PGP: variants seen among roughly 807,000 people sequenced by gnomAD.
PGP encodes the protein aspartate-based ubiquitous Mg(2+)-dependent phosphatase.
A neutral mutation model predicts 19.3 loss-of-function variants in PGP; 9 were observed. The observed-to-expected ratio is 0.47, with a 90% confidence interval of 0.28 to 0.81. The LOEUF (loss-of-function observed/expected upper bound fraction) is 0.81. Ranked by LOEUF, PGP falls within the 40% of genes least tolerant of loss-of-function variation. The pLI is 0.11. For synonymous variants in PGP, 308 were observed against 226.8 expected (o/e 1.36, Z -3.22); for missense variants, 403 against 479.9 (o/e 0.84, Z 1.50).
chr16:2,214,421 G>C lies in PGP; in HGVS notation c.357C>G (p.Pro119=). The C allele has an allele frequency of 2.2e-6, 3 of 1,333,524 alleles. No individual in the cohort carries two copies. The highest frequency in any genetic ancestry group is 2.9e-6 in the Non-Finnish European group (3 of 1,051,516). The allele number at this position is 1,333,524 out of a possible 1,614,324, so 82.6% of individuals were successfully genotyped here. The change falls in exon 1 of 2, where the codon CCC becomes CCG. Residue 119 remains proline (P), a synonymous_variant. Coordinates refer to ENST00000333503, the MANE Select transcript of PGP (RefSeq NM_001042371.3). This position sits in a 1 kb window ranked among gnomAD's most constrained non-coding sequence, Gnocchi z 7.1. ...LRQRLAGAPA[P]KAYVLGSPAL... is the part of the protein sequence containing the mutation. ...CTGGGCTGCCCAGCACGTAGGCCTT[G>C]GGCGCGGGGGCGCCGGCCAGGCGCT...
Position 2,214,809 on chromosome 16 carries a change from C to A in PGP, c.-32G>T, listed in dbSNP as rs961130263. On this transcript the variant is annotated 5_prime_UTR_variant, in exon 1 of 2. Coordinates refer to ENST00000333503, the MANE Select transcript of PGP (RefSeq NM_001042371.3). This position sits in a 1 kb window ranked among gnomAD's most constrained non-coding sequence, Gnocchi z 7.1. ...CCGCCGGCCGCCGCCGCCCGCCGGCCGCTCCTCGCAGCCGCCCGCCGCGGC... is the reference window on the plus strand; with the variant it reads ...CCGCCGGCCGCCGCCGCCCGCCGGCAGCTCCTCGCAGCCGCCCGCCGCGGC... The A allele has an allele frequency of 1.3e-5, 11 of 822,312 alleles. No homozygotes were observed. The highest frequency in any genetic ancestry group is 1.6e-5 in the Non-Finnish European group (11 of 682,848). 50.9% of individuals were successfully genotyped at this position (822,312 alleles called of 1,614,324 possible).
Position 2,212,115 on chromosome 16 carries a change from T to C in PGP, c.*1613A>G. On this transcript the variant is annotated 3_prime_UTR_variant, in exon 2 of 2. Transcript: ENST00000333503. ...CCGGCAAGAGAGGCATCACTGAGGC[T>C]GCATCTGCCATGCGCTCCTGGTGTG... 1.0e-6 allele frequency: 1 copy of C among 985,614 alleles called. No homozygotes were observed. Among genetic ancestry groups the C allele is most frequent in the South Asian group, 4.7e-5 (1 of 21,290 alleles). The allele number at this position is 985,614 out of a possible 1,614,324, so 61.1% of individuals were successfully genotyped here.
In PGP at chr16:2,212,711, G is replaced by A; in HGVS notation, c.*1017C>T. 2 of 985,322 alleles carry A rather than the reference G, an allele frequency of 2.0e-6. No individual in the cohort carries two copies. Among genetic ancestry groups the A allele is most frequent in the Non-Finnish European group, 2.4e-6 (2 of 829,800 alleles). The allele number at this position is 985,322 out of a possible 1,614,324, so 61.0% of individuals were successfully genotyped here. A position where few individuals can be genotyped will look rare whatever the true frequency, so the allele number is the denominator to read the frequency against. On this transcript the variant is annotated 3_prime_UTR_variant, in exon 2 of 2. Transcript: ENST00000333503. The stretch of plus-strand genomic sequence containing the variant: ...CTCCCAGAGCCCTGGATGACTGACA[G>A]GCATTCCTTGGCCAACACATGCTTG...
chr16:2,213,640 G>C lies in PGP; in HGVS notation c.*88C>G. 2 of 1,280,930 alleles carry C rather than the reference G, an allele frequency of 1.6e-6. No homozygotes were observed. The highest frequency in any genetic ancestry group is 1.6e-5 in the South Asian group (1 of 62,774). The allele number at this position is 1,280,930 out of a possible 1,614,324, so 79.3% of individuals were successfully genotyped here. On this transcript the variant is annotated 3_prime_UTR_variant, in exon 2 of 2. Coordinates refer to ENST00000333503, the MANE Select transcript of PGP (RefSeq NM_001042371.3). ...TTACACTCTTTGAAGCCACTTAGCC[G>C]AGCAGATGCTTAAGCCCCACCTATT...
rs1567288131 is a variant in PGP at position 2,214,094 on chromosome 16, G to GGGCCCCCC, written c.641-42_641-41insGGGGGGCC. 4 of 1,544,826 alleles carry GGGCCCCCC rather than the reference G, an allele frequency of 2.6e-6. No homozygotes were observed. The highest frequency in any genetic ancestry group is 3.5e-6 in the Non-Finnish European group (4 of 1,152,916). On this transcript the variant is annotated intron_variant, in intron 1 of 1. Transcript: ENST00000333503. The surrounding 1 kb of genome is among the most constrained non-coding windows in gnomAD (Gnocchi z 7.1). ...GACCGGGTCAAAGGGCAGGGAGGGGGCCCGCCGCCCGCCCCCCAGCCTCCC... is the reference window on the plus strand; with the variant it reads ...GACCGGGTCAAAGGGCAGGGAGGGGGGGCCCCCCCCCGCCGCCCGCCCCCCAGCCTCCC...
In PGP at chr16:2,213,386, C is replaced by T. The variant is rs2093380263; in HGVS notation, c.*342G>A. The T allele has an allele frequency of 6.0e-6, 6 of 1,002,504 alleles. No homozygotes were observed. Among genetic ancestry groups the T allele is most frequent in the Non-Finnish European group, 6.0e-6 (5 of 836,634 alleles). 62.1% of individuals were successfully genotyped at this position (1,002,504 alleles called of 1,614,324 possible). A position where few individuals can be genotyped will look rare whatever the true frequency, so the allele number is the denominator to read the frequency against. Reference sequence around the variant, plus strand: ...CCTGAATGAGTTTTTCAATAAAATACAGGACACACACCCCTAGACCCGCCT... The same window carrying T: ...CCTGAATGAGTTTTTCAATAAAATATAGGACACACACCCCTAGACCCGCCT... On this transcript the variant is annotated 3_prime_UTR_variant, in exon 2 of 2. Transcript: ENST00000333503.
rs2093376196 is a variant in PGP at position 2,211,860 on chromosome 16, G to C, written c.*1868C>G. The C allele has an allele frequency of 3.0e-6, 3 of 985,410 alleles. No homozygotes were observed. Among genetic ancestry groups the C allele is most frequent in the Non-Finnish European group, 3.6e-6 (3 of 829,978 alleles). The allele number at this position is 985,410 out of a possible 1,614,324, so 61.0% of individuals were successfully genotyped here. ...CTTCAAAACATCTTCCTCTGAACCA[G>C]GCTGGGAGTGGGCAGTTGGCATTCC... is the stretch of plus-strand genomic sequence containing the variant. On this transcript the variant is annotated 3_prime_UTR_variant, in exon 2 of 2. Transcript: ENST00000333503.
Position 2,212,965 on chromosome 16 carries a change from G to C in PGP, c.*763C>G. On this transcript the variant is annotated 3_prime_UTR_variant, in exon 2 of 2. Coordinates refer to ENST00000333503, the MANE Select transcript of PGP (RefSeq NM_001042371.3). Reference sequence around the variant, plus strand: ...TCTGAGCTCCCTGCACTGCAGCCCGGAGTTCAGTGAAGGCGTCCACGCCAT... The same window carrying C: ...TCTGAGCTCCCTGCACTGCAGCCCGCAGTTCAGTGAAGGCGTCCACGCCAT... 1.0e-6 allele frequency: 1 copy of C among 985,458 alleles called. No homozygotes were observed. Among genetic ancestry groups the C allele is most frequent in the Non-Finnish European group, 1.2e-6 (1 of 829,892 alleles). 61.0% of individuals were successfully genotyped at this position (985,458 alleles called of 1,614,324 possible).
chr16:2,213,881 G>A lies in PGP; in HGVS notation c.813C>T (p.Thr271=), dbSNP rs1313755508. 6.2e-7 allele frequency: 1 copy of A among 1,613,304 alleles called. No homozygotes were observed. The highest frequency in any genetic ancestry group is 8.5e-7 in the Non-Finnish European group (1 of 1,179,494). The change falls in exon 2 of 2, where the codon ACC becomes ACT. Residue 271 remains threonine, a synonymous_variant. Transcript: ENST00000333503. ...GGGTCAGGATGGTCTTCAGGCCACAGGTGGCGCCTAGGAGGATGTCTGTGT... is the reference window on the plus strand; with the variant it reads ...GGGTCAGGATGGTCTTCAGGCCACAAGTGGCGCCTAGGAGGATGTCTGTGT... ...RLDTDILLGA[T]CGLKTILTLT... is the part of the protein sequence containing the mutation.
At position 2,211,727 on chromosome 16, in the gene PGP, T is replaced by C. The variant is rs1166363259; in HGVS notation, c.*2001A>G. 2 of 985,410 alleles carry C rather than the reference T, an allele frequency of 2.0e-6. No individual in the cohort carries two copies. Among genetic ancestry groups the C allele is most frequent in the Non-Finnish European group, 2.4e-6 (2 of 830,000 alleles). The allele number at this position is 985,410 out of a possible 1,614,324, so 61.0% of individuals were successfully genotyped here. A position where few individuals can be genotyped will look rare whatever the true frequency, so the allele number is the denominator to read the frequency against. ...GCCACTGCGCCCGGGCCAGCATTAC[T>C]TCTGAGCTCTGCTCCCTGCCCTGGG... On this transcript the variant is annotated 3_prime_UTR_variant, in exon 2 of 2. Coordinates refer to ENST00000333503, the MANE Select transcript of PGP (RefSeq NM_001042371.3).
Position 2,214,566 on chromosome 16 carries a change from C to T in PGP, c.212G>A (p.Ser71Asn). 1.4e-6 allele frequency: 2 copies of T among 1,469,628 alleles called. No individual in the cohort carries two copies. 91.0% of individuals were successfully genotyped at this position (1,469,628 alleles called of 1,614,324 possible). ...KRLGFITNNS[S>N]KTRAAYAEKL... is the part of the protein sequence containing the mutation. ...CTCGGCGTAGGCAGCGCGGGTCTTG[C>T]TGCTGTTGTTGGTGATGAAGCCCAG... Residue 71 changes from serine to asparagine, a missense_variant, in exon 1 of 2, where the codon AGC (serine) becomes AAC (asparagine). Ser to Asn is a conservative substitution (Grantham distance 46). Coordinates refer to ENST00000333503, the MANE Select transcript of PGP (RefSeq NM_001042371.3). This position sits in a 1 kb window ranked among gnomAD's most constrained non-coding sequence, Gnocchi z 7.1.
Position 2,214,296 on chromosome 16 carries a change from A to T in PGP, c.482T>A (p.Leu161Gln). The change falls in exon 1 of 2, where the codon CTG (leucine) becomes CAG (glutamine). Residue 161 changes from leucine (L) to glutamine (Q), a missense_variant. Coordinates refer to ENST00000333503, the MANE Select transcript of PGP (RefSeq NM_001042371.3). This position sits in a 1 kb window ranked among gnomAD's most constrained non-coding sequence, Gnocchi z 7.1. The stretch of plus-strand genomic sequence containing the variant: ...CACCACCGCGCGCACGTCGGGCTCC[A>T]GCGGCGCGTGCAGCCAGTCGCCGGG... ...EGPGDWLHAP[L>Q]EPDVRAVVVG... is the part of the protein sequence containing the mutation. The T allele has an allele frequency of 6.4e-7, 1 of 1,559,952 alleles. No individual in the cohort carries two copies. Among genetic ancestry groups the T allele is most frequent in the South Asian group, 1.2e-5 (1 of 86,304 alleles).
chr16:2,214,266 C>T lies in PGP; in HGVS notation c.512G>A (p.Gly171Asp), dbSNP rs1346359496. 6.3e-7 allele frequency: 1 copy of T among 1,579,672 alleles called. No individual in the cohort carries two copies. Among genetic ancestry groups the T allele is most frequent in the Non-Finnish European group, 8.5e-7 (1 of 1,171,564 alleles). Reference protein sequence around the residue: ...LEPDVRAVVVGFDPHFSYMKL... With the variant: ...LEPDVRAVVVDFDPHFSYMKL... The stretch of plus-strand genomic sequence containing the variant: ...CATGTAGCTGAAGTGCGGGTCAAAG[C>T]CCACCACCACCGCGCGCACGTCGGG... Residue 171 changes from glycine to aspartate, a missense_variant, in exon 1 of 2, where the codon GGC becomes GAC. Physicochemically the swap from Gly to Asp is moderately conservative, Grantham distance 94 (BLOSUM62 -1). Coordinates refer to ENST00000333503, the MANE Select transcript of PGP (RefSeq NM_001042371.3). The surrounding 1 kb of genome is among the most constrained non-coding windows in gnomAD (Gnocchi z 7.1).
rs552125720 is a variant in PGP, at chr16:2,212,977, G to A, written c.*751C>T. ...GCACTGCAGCCCGGAGTTCAGTGAA[G>A]GCGTCCACGCCATGGTAGCTGCTCC... On this transcript the variant is annotated 3_prime_UTR_variant, in exon 2 of 2. Coordinates refer to ENST00000333503, the MANE Select transcript of PGP (RefSeq NM_001042371.3). The A allele has an allele frequency of 1.2e-5, 12 of 985,532 alleles. No homozygotes were observed. Among genetic ancestry groups the A allele is most frequent in the African/African-American group, 8.7e-5 (5 of 57,384 alleles). 61.0% of individuals were successfully genotyped at this position (985,532 alleles called of 1,614,324 possible). A position where few individuals can be genotyped will look rare whatever the true frequency, so the allele number is the denominator to read the frequency against.
Position 2,213,394 on chromosome 16 carries a change from A to C in PGP, c.*334T>G. The C allele has an allele frequency of 1.0e-6, 1 of 995,650 alleles. No individual in the cohort carries two copies. Among genetic ancestry groups the C allele is most frequent in the Non-Finnish European group, 1.2e-6 (1 of 826,674 alleles). The allele number at this position is 995,650 out of a possible 1,614,324, so 61.7% of individuals were successfully genotyped here. On this transcript the variant is annotated 3_prime_UTR_variant, in exon 2 of 2. Coordinates refer to ENST00000333503, the MANE Select transcript of PGP (RefSeq NM_001042371.3). ...AGTTTTTCAATAAAATACAGGACAC[A>C]CACCCCTAGACCCGCCTCAGTCCCA...
chr16:2,213,248 G>A lies in PGP; in HGVS notation c.*480C>T. 2.0e-6 allele frequency: 2 copies of A among 986,038 alleles called. No individual in the cohort carries two copies. Among genetic ancestry groups the A allele is most frequent in the African/African-American group, 1.7e-5 (1 of 57,376 alleles). The allele number at this position is 986,038 out of a possible 1,614,324, so 61.1% of individuals were successfully genotyped here. On this transcript the variant is annotated 3_prime_UTR_variant, in exon 2 of 2. Coordinates refer to ENST00000333503, the MANE Select transcript of PGP (RefSeq NM_001042371.3). ...CACTCCCACCCTGCTGGGAGGCACA[G>A]GGACACAGAAGGCTCCGCTGGACTT...
rs2093379720 is a variant in PGP, at chr16:2,213,191, G to A, written c.*537C>T. The A allele has an allele frequency of 3.0e-6, 3 of 985,654 alleles. No homozygotes were observed. Among genetic ancestry groups the A allele is most frequent in the Non-Finnish European group, 3.6e-6 (3 of 830,036 alleles). 61.1% of individuals were successfully genotyped at this position (985,654 alleles called of 1,614,324 possible). ...GGGCAGCACTTTGCACCCAAGGGCAGGGAGATGCCACCTGGGAGCAGCCGC... is the reference window on the plus strand; with the variant it reads ...GGGCAGCACTTTGCACCCAAGGGCAAGGAGATGCCACCTGGGAGCAGCCGC... On this transcript the variant is annotated 3_prime_UTR_variant, in exon 2 of 2. Coordinates refer to ENST00000333503, the MANE Select transcript of PGP (RefSeq NM_001042371.3).
rs760284351 is a variant in PGP at position 2,213,745 on chromosome 16, G to A, written c.949C>T (p.Pro317Ser). Residue 317 changes from proline to serine, a missense_variant, in exon 2 of 2, where the codon CCT (proline) becomes TCT (serine). Transcript: ENST00000333503. ...FYVDSIADLL[P>S]ALQG The stretch of plus-strand genomic sequence containing the variant: ...CTCAATCTTTAACCTTGAAGGGCAG[G>A]CAAAAGGTCGGCTATGCTGTCAACA... The A allele has an allele frequency of 4.2e-5, 65 of 1,538,756 alleles. No homozygotes were observed. Among genetic ancestry groups the A allele is most frequent in the Non-Finnish European group, 5.5e-5 (63 of 1,139,334 alleles).
Position 2,211,711 on chromosome 16 carries a change from C to A in PGP, c.*2017G>T. The A allele has an allele frequency of 1.0e-6, 1 of 985,510 alleles. No homozygotes were observed. The allele number at this position is 985,510 out of a possible 1,614,324, so 61.0% of individuals were successfully genotyped here. ...GGGATTACGGGTGTGAGCCACTGCG[C>A]CCGGGCCAGCATTACTTCTGAGCTC... On this transcript the variant is annotated 3_prime_UTR_variant, in exon 2 of 2. Transcript: ENST00000333503.
Sources: gnomAD v4.1 joint callset for allele counts on GRCh38, gnomAD v4.1.1 for gene constraint, Gnocchi (gnomAD v3.1) non-coding constraint, MANE v1.5 for transcripts, NCBI Gene and HGNC (gene_info 2026-07-23, HGNC 2026-07-21) for gene names.